FOXP1: variants seen among roughly 807,000 people sequenced by gnomAD.
FOXP1 encodes the protein forkhead box protein P1.
A neutral mutation model predicts 98.2 loss-of-function variants in FOXP1; 15 were observed. That is an observed-to-expected ratio of 0.15 (90% CI 0.10 to 0.24). The LOEUF (loss-of-function observed/expected upper bound fraction) is 0.24, where lower values mean the gene tolerates loss of function less well. FOXP1 is among the 10% of genes least tolerant of loss of function. FOXP1 has a pLI of 1.00. For synonymous variants in FOXP1, 371 were observed against 314.5 expected (o/e 1.18, Z -1.90); for missense variants, 633 against 848.5 (o/e 0.75, Z 3.15).
At chr3:71,556,594 A>AC (rs1476345800) in intron 2 of FOXP1, among the ~76,000 whole-genome samples, 7 of 151,370 alleles carry the variant, frequency 4.6e-5, no homozygotes, top group Non-Finnish European at 1.0e-4. Flanking sequence ...AAAAAAAAAA[A>AC]AAAAAAAAAT....
intron 6 of FOXP1, among the ~76,000 whole-genome samples, chr3:71,155,518 T>C (rs1400918620): frequency 6.6e-6 from 1 of 152,212 alleles, no homozygotes; most frequent in African/African-American, 2.4e-5. Flanking sequence ...ATATTTCAAG[T>C]GCTCAAGAGC....
At chr3:71,527,783 A>G (rs1289166414) in intron 2 of FOXP1, among the ~76,000 whole-genome samples, 2 of 152,278 alleles carry the variant, frequency 1.3e-5, no homozygotes, top group African/African-American at 4.8e-5. Flanking sequence ...CAAAGGTTTC[A>G]AAATGGGACG....
In FOXP1 at chr3:71,042,532, C is replaced by G. The variant is rs556088979; in HGVS notation, c.665-1000G>C. Among the ~76,000 whole-genome samples the G allele has an allele frequency of 1.4e-4, 22 of 152,210 alleles. No individual in the cohort carries two copies. In the South Asian group the frequency reaches 4.2e-3, roughly 29 times the overall value. Reference sequence around the variant, plus strand: ...CAAAAACAACAACAACGACAACAAGCAACAAAACTTCCTTTGGAGGAACAC... The same window carrying G: ...CAAAAACAACAACAACGACAACAAGGAACAAAACTTCCTTTGGAGGAACAC... On this transcript the variant is annotated intron_variant, in intron 10 of 20. Coordinates refer to ENST00000649528, the MANE Select transcript of FOXP1 (RefSeq NM_001349338.3).
intron 3 of FOXP1, among the ~76,000 whole-genome samples, chr3:71,366,687 C>T (rs1316864851): frequency 1.3e-5 from 2 of 152,156 alleles, no homozygotes; most frequent in Non-Finnish European, 2.9e-5. Context: ...TTATTAATGG[C>T]TTTTGACTGT....
intron 3 of FOXP1, among the ~76,000 whole-genome samples, chr3:71,432,868 T>G (rs56229359): frequency 2.9e-5 from 4 of 139,040 alleles, no homozygotes; most frequent in Non-Finnish European, 6.2e-5. Flanking sequence ...AAAAAAAAAT[T>G]AAAAAAAAAA....
chr3:71,262,454 C>CA, intron 5 of FOXP1, among the ~76,000 whole-genome samples: 1 of 151,338 alleles, frequency 6.6e-6, no homozygotes, highest in East Asian at 1.9e-4. Context: ...AATAAATAAG[C>CA]AATAGAATTT....
chr3:71,089,079 T>C (rs934749024), intron 7 of FOXP1, among the ~76,000 whole-genome samples: 3 of 152,024 alleles, frequency 2.0e-5, no homozygotes, highest in Middle Eastern at 3.2e-3. Flanking sequence ...AATGAGGAGG[T>C]TGGAATCAGT....
At position 70,958,215 on chromosome 3, in the gene FOXP1, G is replaced by GAAA. The variant is rs2032303429; in HGVS notation, c.*1029_*1031dup. The GAAA allele has an allele frequency of 2.6e-6, 1 of 378,716 alleles. No individual in the cohort carries two copies. The highest frequency in any genetic ancestry group is 4.9e-6 in the Non-Finnish European group (1 of 202,904). The allele number at this position is 378,716 out of a possible 1,614,324, so 23.5% of individuals were successfully genotyped here. A position where few individuals can be genotyped will look rare whatever the true frequency, so the allele number is the denominator to read the frequency against. On this transcript the variant is annotated 3_prime_UTR_variant, in exon 21 of 21. Coordinates refer to ENST00000649528, the MANE Select transcript of FOXP1 (RefSeq NM_001349338.3). Reference sequence around the variant, plus strand: ...TTGCTGCAAAAAAAAAAAAAGAAAAGAAAAGAAAAAAAGAAAATCCGAAAC... The same window carrying GAAA: ...TTGCTGCAAAAAAAAAAAAAGAAAAGAAAAAAAGAAAAAAAGAAAATCCGAAAC...
intron 5 of FOXP1, among the ~76,000 whole-genome samples, chr3:71,242,884 T>G (rs1162981416): frequency 6.6e-6 from 1 of 152,172 alleles, no homozygotes; most frequent in Admixed American, 6.5e-5. Context: ...ATTTTATTCA[T>G]CGAAGAATCC....
chr3:71,536,731 G>C (rs554882324), intron 2 of FOXP1, among the ~76,000 whole-genome samples: 1 of 152,192 alleles, frequency 6.6e-6, no homozygotes, highest in South Asian at 2.1e-4. Flanking sequence ...AGGACTCTGT[G>C]GGAAAGGTTC....
chr3:71,152,366 A>G (rs2060614060), intron 6 of FOXP1, among the ~76,000 whole-genome samples: 1 of 152,200 alleles, frequency 6.6e-6, no homozygotes, highest in Non-Finnish European at 1.5e-5. Context: ...GAACTCAGGA[A>G]AACCAGGCCT....
At chr3:71,040,412 T>C (rs1469693208) in intron 11 of FOXP1, 1 of 152,176 alleles carries the variant, frequency 6.6e-6, no homozygotes, top group Non-Finnish European at 1.5e-5. Flanking sequence ...GCCTATGAAA[T>C]ATATAGAAAA....
At chr3:71,278,226 A>G (rs1189763528) in intron 5 of FOXP1, among the ~76,000 whole-genome samples, 1 of 152,228 alleles carries the variant, frequency 6.6e-6, no homozygotes, top group Admixed American at 6.5e-5. Flanking sequence ...TTCAATAATT[A>G]GCTACTGTCA....
Position 70,959,190 on chromosome 3 carries a change from G to GTTT in FOXP1, c.*54_*56dup, listed in dbSNP as rs112773801. Reference sequence around the variant, plus strand: ...CAATTTCACTGCTAACTTTTGACGTGTTTTTTTTTTTTTCCTTTTTCCAAT... The same window carrying GTTT: ...CAATTTCACTGCTAACTTTTGACGTGTTTTTTTTTTTTTTTTCCTTTTTCCAAT... On this transcript the variant is annotated 3_prime_UTR_variant, in exon 21 of 21. Coordinates refer to ENST00000649528, the MANE Select transcript of FOXP1 (RefSeq NM_001349338.3). 5.8e-5 allele frequency: 76 copies of GTTT among 1,299,548 alleles called. No individual in the cohort carries two copies. Among genetic ancestry groups the GTTT allele is most frequent in the African/African-American group, 4.4e-4 (30 of 68,042 alleles). 80.5% of individuals were successfully genotyped at this position (1,299,548 alleles called of 1,614,324 possible). A position where few individuals can be genotyped will look rare whatever the true frequency, so the allele number is the denominator to read the frequency against.
At chr3:71,231,576 C>T in intron 5 of FOXP1, among the ~76,000 whole-genome samples, 1 of 152,198 alleles carries the variant, frequency 6.6e-6, no homozygotes, top group East Asian at 1.9e-4. Context: ...GAATTCTGGA[C>T]ACTTCAAATT....
intron 2 of FOXP1, among the ~76,000 whole-genome samples, chr3:71,536,904 T>C (rs1336888630): frequency 6.6e-6 from 1 of 152,120 alleles, no homozygotes; most frequent in African/African-American, 2.4e-5. Flanking sequence ...ATGTGCAGAA[T>C]AGCAGCGATG....
At chr3:71,187,347 A>C (rs1463561893) in intron 6 of FOXP1, among the ~76,000 whole-genome samples, 1 of 152,150 alleles carries the variant, frequency 6.6e-6, no homozygotes, top group East Asian at 1.9e-4. Flanking sequence ...GCACTTTGGG[A>C]GGCTGAGGCG....
intron 3 of FOXP1, among the ~76,000 whole-genome samples, chr3:71,460,161 C>A (rs931707651): frequency 6.6e-6 from 1 of 151,974 alleles, no homozygotes; most frequent in African/African-American, 2.4e-5. Context: ...GTCTCAATCT[C>A]CTGACCTCGT....
At chr3:71,050,665 G>A (rs1306678791) in intron 9 of FOXP1, among the ~76,000 whole-genome samples, 1 of 152,180 alleles carries the variant, frequency 6.6e-6, no homozygotes, top group African/African-American at 2.4e-5. Flanking sequence ...CATGCATAAT[G>A]TGCTTCAAAA....
Sources: gnomAD v4.1 joint callset for allele counts (sites outside exome capture counted in the v4.1 genomes callset) on GRCh38, gnomAD v4.1.1 for gene constraint, MANE v1.5 for transcripts, NCBI Gene and HGNC (gene_info 2026-07-23, HGNC 2026-07-21) for gene names.